The following EFCAB7 variants were observed in gnomAD, a reference collection of about 807,000 sequenced individuals.
EFCAB7 encodes the protein EF-hand calcium binding domain 7.
In EFCAB7, 66 loss-of-function variants were observed where a neutral mutation model predicts 77.1. The ratio of observed to expected loss-of-function variants is 0.86; its 90% CI spans 0.70 to 1.05. The LOEUF (loss-of-function observed/expected upper bound fraction) is 1.05, where lower values mean the gene tolerates loss of function less well. Among genes scored for constraint, EFCAB7 ranks in the 50% least tolerant of loss-of-function variants. EFCAB7 has a pLI of 0.00. For missense variants in EFCAB7, 638 were observed against 730.5 expected (o/e 0.87, Z 1.46); for synonymous variants, 225 against 243.3 (o/e 0.92, Z 0.70).
chr1:63,580,918 T>C, the EFCAB7 span, among the ~76,000 whole-genome samples: 1 of 152,088 alleles, frequency 6.6e-6, no homozygotes, highest in Non-Finnish European at 1.5e-5. Context: ...CCTGAGACCC[T>C]TGTTAAACTC....
chr1:63,559,217 A>T (rs967698452), intron 10 of EFCAB7, among the ~76,000 whole-genome samples: 5 of 139,902 alleles, frequency 3.6e-5, no homozygotes, highest in African/African-American at 1.3e-4. Context: ...CAGGAGAATC[A>T]CTTGAGCTTG....
intron 7 of EFCAB7, among the ~76,000 whole-genome samples, chr1:63,546,892 A>G (rs536722825): frequency 7.9e-5 from 12 of 152,344 alleles, no homozygotes; most frequent in African/African-American, 2.6e-4. Flanking sequence ...TCTAGTGTCT[A>G]AAATGGTTAT....
chr1:63,565,008 A>G (rs978806773), intron 11 of EFCAB7, among the ~76,000 whole-genome samples: 10 of 152,238 alleles, frequency 6.6e-5, no homozygotes, highest in African/African-American at 2.2e-4. Context: ...CTGGCTAGCC[A>G]TATGCAGAAG....
intron 4 of EFCAB7, 50 bp from the exon 5 acceptor site, chr1:63,533,404 C>G (rs1266496404): frequency 7.2e-7 from 1 of 1,381,642 alleles, no homozygotes; most frequent in African/African-American, 1.5e-5. Context: ...TCTCCTCTTC[C>G]CCAGTGTATG....
chr1:63,526,822 T>C (rs1489218380), intron 2 of EFCAB7, among the ~76,000 whole-genome samples: 1 of 152,174 alleles, frequency 6.6e-6, no homozygotes, highest in East Asian at 1.9e-4. Context: ...TGGAGTGCAG[T>C]GGCGCGATCT....
chr1:63,533,832 G>A (rs1008414238), intron 5 of EFCAB7, among the ~76,000 whole-genome samples, 183 bp downstream of exon 5: 5 of 152,050 alleles, frequency 3.3e-5, no homozygotes, highest in African/African-American at 4.8e-5. Context: ...TATGGAACTT[G>A]ACTTAGCTAT....
chr1:63,573,880 A>C (rs1647337707), downstream of EFCAB7, among the ~76,000 whole-genome samples: 1 of 152,084 alleles, frequency 6.6e-6, no homozygotes, highest in Non-Finnish European at 1.5e-5. Context: ...TTTTTAAAAG[A>C]CCATCAGTTT....
chr1:63,543,204 C>T (rs1646850715), intron 6 of EFCAB7, among the ~76,000 whole-genome samples: 1 of 152,146 alleles, frequency 6.6e-6, no homozygotes, highest in Admixed American at 6.5e-5. Flanking sequence ...TGTCCTTGCC[C>T]TCAATGAATG....
At chr1:63,561,227 G>T (rs1647096220) in intron 10 of EFCAB7, among the ~76,000 whole-genome samples, 1 of 152,128 alleles carries the variant, frequency 6.6e-6, no homozygotes, top group Admixed American at 6.6e-5. Context: ...GAGGAATCAG[G>T]CATATAGTAA....
chr1:63,568,766 GAA>G (rs1647198862), intron 12 of EFCAB7: 1 of 350,630 alleles, frequency 2.9e-6, no homozygotes, highest in African/African-American at 2.1e-5. Context: ...GGATATTAGT[GAA>G]TATAGAGCAC....
chr1:63,532,072 A>C lies in EFCAB7; in HGVS notation c.399+41A>C, dbSNP rs201970106. 1.4e-5 allele frequency: 21 copies of C among 1,493,208 alleles called. No homozygotes were observed. The African/African-American group carries it at 2.5e-4, about 18-fold the overall frequency. The allele number at this position is 1,493,208 out of a possible 1,614,324, so 92.5% of individuals were successfully genotyped here. A position where few individuals can be genotyped will look rare whatever the true frequency, so the allele number is the denominator to read the frequency against. ...CTGTTTTGTAATGTGCATATTTTCT[A>C]AAACAGCTTGGAATCTAGCTTTGAC... is the stretch of plus-strand genomic sequence containing the variant. On this transcript the variant is annotated intron_variant, in intron 3 of 13. Coordinates refer to ENST00000371088, the MANE Select transcript of EFCAB7 (RefSeq NM_032437.4).
intron 11 of EFCAB7, among the ~76,000 whole-genome samples, chr1:63,562,471 AT>A (rs1647118049): frequency 2.5e-5 from 2 of 80,596 alleles, no homozygotes; most frequent in Admixed American, 1.2e-4. Flanking sequence ...ATATATATAT[AT>A]ATATATATAT....
At chr1:63,551,903 T>C in intron 8 of EFCAB7, 69 bp downstream of exon 8, 4 of 952,696 alleles carry the variant, frequency 4.2e-6, no homozygotes, top group Non-Finnish European at 5.9e-6. Context: ...GGAAAGTATG[T>C]TTCTGTATTT....
chr1:63,523,972 C>G (rs541654794), intron 1 of EFCAB7, among the ~76,000 whole-genome samples: 10 of 152,162 alleles, frequency 6.6e-5, no homozygotes, highest in African/African-American at 1.4e-4. Flanking sequence ...CTGCAATGTA[C>G]TCTCTAGGCC....
At chr1:63,578,534 C>T in the EFCAB7 span, among the ~76,000 whole-genome samples, 7 of 151,936 alleles carry the variant, frequency 4.6e-5, no homozygotes, top group South Asian at 2.1e-4. Flanking sequence ...CTCCGCCTCC[C>T]GGGTTAACAC....
chr1:63,577,126 C>A (rs1281563868), downstream of EFCAB7, among the ~76,000 whole-genome samples: 2 of 148,520 alleles, frequency 1.3e-5, no homozygotes, highest in African/African-American at 5.0e-5. Flanking sequence ...GCCTGGGTGA[C>A]AGAGTAAGAC....
intron 2 of EFCAB7, among the ~76,000 whole-genome samples, chr1:63,531,507 G>A (rs974204845): frequency 6.6e-6 from 1 of 152,040 alleles, no homozygotes; most frequent in Non-Finnish European, 1.5e-5. Context: ...GAAGCTTTTA[G>A]AAGCTCTTAA....
rs74078273 is a variant in EFCAB7, at chr1:63,568,388, G to A, written c.1576G>A (p.Gly526Arg). 3.4e-3 allele frequency: 5,311 copies of A among 1,584,916 alleles called. 168 individuals carry two copies. The African/African-American group carries it at 0.064, about 19-fold the overall frequency. The change falls in exon 12 of 14, where the codon GGA becomes AGA. Residue 526 changes from glycine to arginine, a missense_variant. Transcript: ENST00000371088. ...IKAVHMEACS[G>R]QLEKAICKSV... is the part of the protein sequence containing the mutation. The stretch of plus-strand genomic sequence containing the variant: ...AGCTGTCCATATGGAGGCATGTAGT[G>A]GACAACTTGAGAAGGCCATTTGTAA...
At chr1:63,540,363 CA>C (rs758025864) in intron 6 of EFCAB7, among the ~76,000 whole-genome samples, 1,827 of 44,374 alleles carry the variant, frequency 0.041, 22 homozygotes, top group African/African-American at 0.13. Context: ...GACTCCATCT[CA>C]AAAAAAAAAA....
Sources: gnomAD v4.1 joint callset for allele counts (sites outside exome capture counted in the v4.1 genomes callset) on GRCh38, gnomAD v4.1.1 for gene constraint, MANE v1.5 for transcripts, NCBI Gene and HGNC (gene_info 2026-07-23, HGNC 2026-07-21) for gene names.